WIPF3: variants seen among roughly 807,000 people sequenced by gnomAD.
WIPF3 encodes WAS/WASL-interacting protein family member 3.
Under a neutral mutation model 38.9 loss-of-function variants are expected in WIPF3, and 33 were observed. That is an observed-to-expected ratio of 0.85 (90% CI 0.64 to 1.14). The LOEUF (loss-of-function observed/expected upper bound fraction) is 1.14, where lower values mean the gene tolerates loss of function less well. Ranked by LOEUF, WIPF3 falls within the 50% of genes most tolerant of loss-of-function variation. WIPF3 has a pLI of 0.00. For synonymous variants in WIPF3, 324 were observed against 269.3 expected (o/e 1.20, Z -1.99); for missense variants, 711 against 652.5 (o/e 1.09, Z -0.98).
At chr7:29,807,214 A>G (rs976510994) in intron 1 of WIPF3, among the ~76,000 whole-genome samples, 4 of 151,850 alleles carry the variant, frequency 2.6e-5, no homozygotes, top group Admixed American at 6.6e-5. Context: ...GAGGAAGCCA[A>G]CTCCAGAGAT....
At chr7:29,839,026 T>C (rs1784871167) in intron 2 of WIPF3, among the ~76,000 whole-genome samples, 1 of 152,042 alleles carries the variant, frequency 6.6e-6, no homozygotes, top group African/African-American at 2.4e-5. Flanking sequence ...GACAAGCTGG[T>C]AAAATTATGA....
chr7:29,846,684 CAA>C (rs1785007081), intron 2 of WIPF3, among the ~76,000 whole-genome samples: 1 of 152,190 alleles, frequency 6.6e-6, no homozygotes, highest in Non-Finnish European at 1.5e-5. Context: ...GCCTGGAAGA[CAA>C]GAGCAAAACT....
At chr7:29,843,552 C>T (rs1784951746) in intron 2 of WIPF3, among the ~76,000 whole-genome samples, 1 of 152,150 alleles carries the variant, frequency 6.6e-6, no homozygotes, top group Non-Finnish European at 1.5e-5. Flanking sequence ...AGCAATGATT[C>T]CTAACTGGAG....
intron 8 of WIPF3, among the ~76,000 whole-genome samples, chr7:29,908,240 A>G (rs1298904439): frequency 1.3e-5 from 2 of 152,252 alleles, no homozygotes; most frequent in Non-Finnish European, 2.9e-5. Context: ...TAAATCAAAA[A>G]GTTTACAAGA....
intron 7 of WIPF3, among the ~76,000 whole-genome samples, chr7:29,895,160 C>T (rs1262354454): frequency 2.6e-5 from 4 of 152,070 alleles, no homozygotes; most frequent in Non-Finnish European, 4.4e-5. Context: ...AGGCTGGGCT[C>T]GAACTCCTGA....
At chr7:29,846,207 T>G (rs986219322) in intron 2 of WIPF3, among the ~76,000 whole-genome samples, 1 of 152,250 alleles carries the variant, frequency 6.6e-6, no homozygotes, top group Non-Finnish European at 1.5e-5. Context: ...CAACTCATTA[T>G]TTTCCAAGAG....
In WIPF3 at chr7:29,911,933, G is replaced by A. The variant is rs143322349; in HGVS notation, c.1429-2560G>A. Among the ~76,000 whole-genome samples, 879 of 152,084 alleles carry A rather than the reference G, an allele frequency of 5.8e-3. 15 individuals are homozygous for A. The highest frequency in any genetic ancestry group is 0.02 in the African/African-American group (848 of 41,504). Reference sequence around the variant, plus strand: ...CAACAGAAGAAAAAATAAGCAAACTGGATTTCATGAAAATCTTTAAAATTT... The same window carrying A: ...CAACAGAAGAAAAAATAAGCAAACTAGATTTCATGAAAATCTTTAAAATTT... On this transcript the variant is annotated intron_variant, in intron 8 of 8. Transcript: ENST00000242140.
At chr7:29,825,018 A>G (rs1012962840) in intron 1 of WIPF3, among the ~76,000 whole-genome samples, 6 of 152,196 alleles carry the variant, frequency 3.9e-5, no homozygotes, top group African/African-American at 1.4e-4. Context: ...TTATTTCCTC[A>G]ATGATTTTTG....
chr7:29,846,095 T>G (rs1784995497), intron 2 of WIPF3, among the ~76,000 whole-genome samples: 1 of 152,212 alleles, frequency 6.6e-6, no homozygotes, highest in South Asian at 2.1e-4. Context: ...ATAAAGCAAA[T>G]GCAGTTATAT....
chr7:29,872,291 G>A (rs1785509218), intron 2 of WIPF3, among the ~76,000 whole-genome samples: 1 of 152,152 alleles, frequency 6.6e-6, no homozygotes, highest in Non-Finnish European at 1.5e-5. Flanking sequence ...TTTTAAGACA[G>A]CAAATTATGG....
At position 29,914,498 on chromosome 7, in the gene WIPF3, T is replaced by G. The variant is rs1339712401; in HGVS notation, c.1434T>G (p.Ser478=). ...GTTCTGTTATGTTTCCACAGTTATC[T>G]CTAAAGACTCTTCGGTGAGAAGACA... The part of the protein sequence containing the change: ...DDIKGRNSQL[S]LKTLR Residue 478 remains serine, a synonymous_variant, in exon 9 of 9, where the codon TCT becomes TCG. Transcript: ENST00000242140. 6.6e-7 allele frequency: 1 copy of G among 1,520,826 alleles called. No individual in the cohort carries two copies. The highest frequency in any genetic ancestry group is 2.1e-5 in the Admixed American group (1 of 48,124). 94.2% of individuals were successfully genotyped at this position (1,520,826 alleles called of 1,614,324 possible).
In WIPF3 at chr7:29,884,368, C is replaced by T. The variant is rs748269453; in HGVS notation, c.874C>T (p.Pro292Ser). Residue 292 changes from proline (P) to serine (S), a missense_variant, in exon 5 of 9, where the codon CCG becomes TCG. Pro to Ser is a moderately conservative substitution (Grantham distance 74). Transcript: ENST00000242140. ...PAQDAQEPPA[P>S]PPPLPPYASC... ...GCAAGATGCGCAGGAGCCTCCCGCC[C>T]CGCCGCCCCCGCTCCCCCCTTATGC... 4 of 1,456,796 alleles carry T rather than the reference C, an allele frequency of 2.7e-6. 1 individual carries two copies. In the Middle Eastern group the frequency reaches 5.7e-4, roughly 208 times the overall value. The allele number at this position is 1,456,796 out of a possible 1,614,324, so 90.2% of individuals were successfully genotyped here. A position where few individuals can be genotyped will look rare whatever the true frequency, so the allele number is the denominator to read the frequency against.
intron 2 of WIPF3, among the ~76,000 whole-genome samples, chr7:29,869,822 G>T (rs533883439): frequency 6.6e-6 from 1 of 152,302 alleles, no homozygotes; most frequent in South Asian, 2.1e-4. Flanking sequence ...TTTGTAGTTA[G>T]GAAGGGATTG....
chr7:29,848,252 A>G (rs1313841956), intron 2 of WIPF3, among the ~76,000 whole-genome samples: 1 of 152,200 alleles, frequency 6.6e-6, no homozygotes, highest in Non-Finnish European at 1.5e-5. Context: ...GGGCATCCTG[A>G]GCATCCACTC....
chr7:29,915,038 C>T lies in WIPF3; in HGVS notation c.*522C>T, dbSNP rs558466428. 4 of 147,738 alleles carry T rather than the reference C, an allele frequency of 2.7e-5. No homozygotes were observed. Among genetic ancestry groups the T allele is most frequent in the East Asian group, 2.0e-4 (1 of 5,006 alleles). 9.2% of individuals were successfully genotyped at this position (147,738 alleles called of 1,614,324 possible). A position where few individuals can be genotyped will look rare whatever the true frequency, so the allele number is the denominator to read the frequency against. On this transcript the variant is annotated 3_prime_UTR_variant, in exon 9 of 9. Transcript: ENST00000242140. ...ACAGTGCCGCGCAGCCTCCAGGGAA[C>T]GAGGTGCCATGTCTCGCTTCCATTT...
At chr7:29,912,418 A>G (rs937956891) in intron 8 of WIPF3, 1 of 153,122 alleles carries the variant, frequency 6.5e-6, no homozygotes, top group Admixed American at 6.5e-5. Context: ...TGGCACTTCC[A>G]CTTCTGCGTA....
chr7:29,905,741 T>A (rs949091183), intron 8 of WIPF3: 1 of 152,142 alleles, frequency 6.6e-6, no homozygotes, highest in Non-Finnish European at 1.5e-5. Flanking sequence ...TTGCACCTCC[T>A]CTTATTGTTG....
chr7:29,847,323 G>T (rs959425760), intron 2 of WIPF3, among the ~76,000 whole-genome samples: 1 of 152,192 alleles, frequency 6.6e-6, no homozygotes, highest in Non-Finnish European at 1.5e-5. Flanking sequence ...CAAGTGGGAA[G>T]TCAGGCCGGC....
chr7:29,842,510 A>T (rs1448825719), intron 2 of WIPF3, among the ~76,000 whole-genome samples: 2 of 152,218 alleles, frequency 1.3e-5, no homozygotes, highest in Non-Finnish European at 2.9e-5. Context: ...CTTTGCTTTC[A>T]GGAAATTCAG....
Sources: allele counts gnomAD v4.1 joint callset (sites outside exome capture counted in the v4.1 genomes callset), GRCh38; gene constraint gnomAD v4.1.1; transcripts MANE v1.5; gene names NCBI Gene and HGNC (gene_info 2026-07-23, HGNC 2026-07-21).